The following SMS variants were observed in gnomAD, a reference collection of about 807,000 sequenced individuals.
SMS encodes spermine synthase.
SMS carries 3 observed loss-of-function variants against 33.0 expected under a neutral mutation model. The observed-to-expected ratio is 0.09, with a 90% CI of 0.04 to 0.23. SMS has a LOEUF of 0.23. Ranked by LOEUF, SMS falls within the 10% of genes least tolerant of loss-of-function variation. The probability of loss-of-function intolerance (pLI) is 1.00; values close to 1 mark genes in which losing one functional copy is unlikely to be tolerated. For missense variants in SMS, 117 were observed against 288.6 expected (o/e 0.41, Z 4.31); for synonymous variants, 103 against 112.2 (o/e 0.92, Z 0.52).
chrX:21,956,454 T>TTTTTTA (rs1002196098), intron 1 of SMS, among the ~76,000 whole-genome samples: 1 of 109,538 alleles, frequency 9.1e-6, no homozygotes, highest in Non-Finnish European at 1.9e-5. Flanking sequence ...TGGCTAATTT[T>TTTTTTA]TTTTTATTTT....
intron 1 of SMS, among the ~76,000 whole-genome samples, chrX:21,941,739 G>T (rs1228826943): frequency 9.3e-6 from 1 of 107,636 alleles, no homozygotes. Flanking sequence ...ACAAAAATTA[G>T]CCGGGCGTGG....
In SMS at chrX:21,972,434, G is replaced by A; in HGVS notation, c.265-73G>A. The A allele has an allele frequency of 1.9e-5, 13 of 680,749 alleles. No homozygotes were observed. The South Asian group carries it at 2.9e-4, about 15-fold the overall frequency. The allele number at this position is 680,749 out of a possible 1,213,427, so 56.1% of individuals were successfully genotyped here. A position where few individuals can be genotyped will look rare whatever the true frequency, so the allele number is the denominator to read the frequency against. Reference sequence around the variant, plus strand: ...GCACAGCTCTGTCAACATGGCCTCAGTCGTTGGGTCTGTAATTTAGTTCTT... The same window carrying A: ...GCACAGCTCTGTCAACATGGCCTCAATCGTTGGGTCTGTAATTTAGTTCTT... On this transcript the variant is annotated intron_variant, in intron 3 of 10. Coordinates refer to ENST00000404933, the MANE Select transcript of SMS (RefSeq NM_004595.5).
At chrX:21,982,924 A>G (rs1208464376) in intron 7 of SMS, among the ~76,000 whole-genome samples, 3 of 112,636 alleles carry the variant, frequency 2.7e-5, no homozygotes, top group Non-Finnish European at 5.6e-5. Flanking sequence ...GAGGCAAGTT[A>G]TAAAACAATA....
At chrX:21,972,818 C>T (rs774370390) in intron 4 of SMS, among the ~76,000 whole-genome samples, 2 of 105,229 alleles carry the variant, frequency 1.9e-5, no homozygotes, top group African/African-American at 3.5e-5. Context: ...CTGACGCATG[C>T]GAATGGCCTG....
At chrX:21,967,968 C>T (rs73454859) in intron 2 of SMS, among the ~76,000 whole-genome samples, 12,407 of 112,193 alleles carry the variant, frequency 0.11, 913 homozygotes, top group African/African-American at 0.27. Flanking sequence ...GGTCTCTGGT[C>T]AGCAGAGATG....
chrX:21,966,896 T>C (rs1923760681), intron 1 of SMS, among the ~76,000 whole-genome samples: 1 of 110,693 alleles, frequency 9.0e-6, no homozygotes, highest in African/African-American at 3.3e-5. Flanking sequence ...GCTGAATATG[T>C]CTACATCCTT....
chrX:21,983,096 G>A (rs1047874101), intron 7 of SMS, among the ~76,000 whole-genome samples: 14 of 111,306 alleles, frequency 1.3e-4, no homozygotes, highest in African/African-American at 3.9e-4. Flanking sequence ...GCACAGTGGT[G>A]CGCGATGATC....
intron 1 of SMS, among the ~76,000 whole-genome samples, chrX:21,943,385 C>A (rs1267851759): frequency 3.6e-5 from 4 of 111,434 alleles, no homozygotes; most frequent in African/African-American, 9.8e-5. Flanking sequence ...ATGGATGTAT[C>A]GTGTGGGAGG....
At chrX:21,959,549 T>C (rs960333782) in intron 1 of SMS, among the ~76,000 whole-genome samples, 12 of 112,270 alleles carry the variant, frequency 1.1e-4, no homozygotes, top group Non-Finnish European at 2.3e-4. Flanking sequence ...GTATAATTTA[T>C]GTAAATTTTA....
At chrX:21,976,116 C>T (rs1345579934) in intron 4 of SMS, among the ~76,000 whole-genome samples, 1 of 110,354 alleles carries the variant, frequency 9.1e-6, no homozygotes, top group Non-Finnish European at 1.9e-5. Context: ...GTACATTCAT[C>T]CTGTGAAAAA....
intron 2 of SMS, 66 bp from the exon 3 acceptor site, chrX:21,971,831 T>C (rs1924177364): frequency 2.7e-6 from 2 of 740,468 alleles, no homozygotes; most frequent in Admixed American, 2.3e-5. Context: ...CATCTCTCTC[T>C]CTCTCTCTTT....
In SMS at chrX:21,944,544, A is replaced by AAAAAAAAAAAAAAAAAGAAAAG. The variant is rs1555992699; in HGVS notation, c.49+3672_49+3673insAAAAAAAAAAAAAAAGAAAAGA. Among the ~76,000 whole-genome samples the AAAAAAAAAAAAAAAAAGAAAAG allele has an allele frequency of 8.1e-5, 8 of 99,046 alleles. 1 individual carries two copies. The highest frequency in any genetic ancestry group is 6.7e-4 in the East Asian group (2 of 2,971). The allele number at this position is 99,046 out of a possible 115,157, so 86.0% of individuals were successfully genotyped here. A position where few individuals can be genotyped will look rare whatever the true frequency, so the allele number is the denominator to read the frequency against. On this transcript the variant is annotated intron_variant, in intron 1 of 10. Coordinates refer to ENST00000404933, the MANE Select transcript of SMS (RefSeq NM_004595.5). ...CTACAAAAAAAAAAAAAAAAAAAAA[A>AAAAAAAAAAAAAAAAAGAAAAG]AGAAAAAAAATTAGCCAGGTGTGGT...
At chrX:21,944,546 G>GAAAAGAGA (rs1555992710) in intron 1 of SMS, among the ~76,000 whole-genome samples, 2 of 66,660 alleles carry the variant, frequency 3.0e-5, no homozygotes, top group Non-Finnish European at 5.8e-5. Context: ...AAAAAAAAAA[G>GAAAAGAGA]AAAAAAAATT....
chrX:21,944,223 G>T (rs913346360), intron 1 of SMS, among the ~76,000 whole-genome samples: 4 of 111,316 alleles, frequency 3.6e-5, no homozygotes, highest in African/African-American at 1.3e-4. Flanking sequence ...TGGTCATCTT[G>T]TAAGTGAAGT....
At chrX:21,988,017 G>A (rs1925475672) in intron 9 of SMS, among the ~76,000 whole-genome samples, 1 of 112,336 alleles carries the variant, frequency 8.9e-6, no homozygotes, top group Non-Finnish European at 1.9e-5. Flanking sequence ...AAATCAAAAG[G>A]ATTGTATGCC....
At chrX:21,971,822 ATC>A (rs752803645) in intron 2 of SMS, 73 bp from the exon 3 acceptor site, 1,241 of 624,945 alleles carry the variant, frequency 2.0e-3, no homozygotes, top group Non-Finnish European at 2.6e-3. Context: ...ATTGGGTGAC[ATC>A]TCTCTCTCTC....
chrX:21,943,708 C>G (rs956396222), intron 1 of SMS, among the ~76,000 whole-genome samples: 3 of 111,162 alleles, frequency 2.7e-5, no homozygotes, highest in Admixed American at 9.6e-5. Flanking sequence ...GGCGTAAGAA[C>G]TCCGATTCAT....
At chrX:21,979,501 G>C (rs951275239) in intron 7 of SMS, among the ~76,000 whole-genome samples, 4 of 110,496 alleles carry the variant, frequency 3.6e-5, no homozygotes, top group African/African-American at 1.3e-4. Context: ...ATGGTTTCCA[G>C]CTTCATCCAT....
At chrX:21,990,855 A>T (rs1460994048) in intron 9 of SMS, among the ~76,000 whole-genome samples, 1 of 112,721 alleles carries the variant, frequency 8.9e-6, no homozygotes, top group African/African-American at 3.2e-5. Context: ...TGTGGTGTTT[A>T]TATGCTCTTA....
Sources: allele counts gnomAD v4.1 joint callset (sites outside exome capture counted in the v4.1 genomes callset), GRCh38; gene constraint gnomAD v4.1.1; transcripts MANE v1.5; gene names NCBI Gene and HGNC (gene_info 2026-07-23, HGNC 2026-07-21).